Variants in DMC1 observed in about 807,000 individuals in gnomAD.
DMC1 encodes DNA meiotic recombinase 1, also known as meiotic recombination protein DMC1 homolog.
Under a neutral mutation model 50.1 loss-of-function variants are expected in DMC1, and 27 were observed. That is an observed-to-expected ratio of 0.54 (90% CI 0.40 to 0.74). The LOEUF (loss-of-function observed/expected upper bound fraction) is 0.74. DMC1 is among the 30% of genes least tolerant of loss of function. DMC1 has a pLI of 0.00. For missense variants in DMC1, 295 were observed against 420.2 expected (o/e 0.70, Z 2.60); for synonymous variants, 148 against 136.1 (o/e 1.09, Z -0.61).
chr22:38,534,172 C>G (rs1172882147), intron 12 of DMC1, among the ~76,000 whole-genome samples: 2 of 152,152 alleles, frequency 1.3e-5, no homozygotes, highest in African/African-American at 4.8e-5. Context: ...AAAAAACCCC[C>G]AACAACTATA....
At chr22:38,542,005 C>T (rs894989018) in intron 8 of DMC1, among the ~76,000 whole-genome samples, 5 of 147,824 alleles carry the variant, frequency 3.4e-5, no homozygotes, top group South Asian at 2.2e-4. Flanking sequence ...TAAAATTCAA[C>T]GTTCATTTAT....
chr22:38,548,475 T>G (rs1227365707), intron 8 of DMC1, among the ~76,000 whole-genome samples: 1 of 152,134 alleles, frequency 6.6e-6, no homozygotes. Flanking sequence ...CTCAGAAGGC[T>G]GAAGTGGGAG....
downstream of DMC1, among the ~76,000 whole-genome samples, chr22:38,517,608 CAAAA>C (rs2089985004): frequency 6.6e-6 from 1 of 151,676 alleles, no homozygotes; most frequent in Admixed American, 6.6e-5. Flanking sequence ...CAAAACAAAA[CAAAA>C]AAGTTAAAAC....
Position 38,549,668 on chromosome 22 carries a change from GAAGT to G in DMC1, c.494+253_494+256del, listed in dbSNP as rs371474050. On this transcript the variant is annotated intron_variant, in intron 8 of 13. Coordinates refer to ENST00000216024, the MANE Select transcript of DMC1 (RefSeq NM_007068.4). ...CTAACTATTAAGCAACATCTTTAGA[GAAGT>G]AAGAGGATTAAAAATGATGATATAA... The G allele has an allele frequency of 4.2e-4, 168 of 402,032 alleles. 1 individual carries two copies. Among genetic ancestry groups the G allele is most frequent in the African/African-American group, 2.9e-3 (141 of 48,680 alleles). The allele number at this position is 402,032 out of a possible 1,614,324, so 24.9% of individuals were successfully genotyped here.
Position 38,520,099 on chromosome 22 carries a change from T to A in DMC1, c.954-10A>T, listed in dbSNP as rs2145758395. ...TTCAGGCATCTCAGGACTAACAGAA[T>A]ACAAGGGAACAGAAGTTTATAAAAA... On this transcript the variant is annotated splice_polypyrimidine_tract_variant and intron_variant, in intron 13 of 13. Transcript: ENST00000216024. 1.2e-6 allele frequency: 2 copies of A among 1,609,620 alleles called. No individual in the cohort carries two copies. The highest frequency in any genetic ancestry group is 4.5e-5 in the East Asian group (2 of 44,792).
At chr22:38,513,263 C>T in the DMC1 span, among the ~76,000 whole-genome samples, 1 of 152,212 alleles carries the variant, frequency 6.6e-6, no homozygotes, top group Non-Finnish European at 1.5e-5. Context: ...CCCTGCTCCC[C>T]CTGCTGTCAC....
intron 1 of DMC1, among the ~76,000 whole-genome samples, chr22:38,569,680 A>G (rs1318875502): frequency 6.6e-6 from 1 of 152,226 alleles, no homozygotes; most frequent in Non-Finnish European, 1.5e-5. Flanking sequence ...GGGCTCCCCA[A>G]TCCCCCGGTT....
At chr22:38,521,538 T>TAC (rs111317680) in intron 13 of DMC1, 70 bp downstream of exon 13, 39,205 of 637,444 alleles carry the variant, frequency 0.062, 639 homozygotes, top group African/African-American at 0.12. Flanking sequence ...ACCCCGTCTC[T>TAC]ACACACACAC....
intron 12 of DMC1, among the ~76,000 whole-genome samples, chr22:38,529,771 A>G (rs1024202383): frequency 6.6e-6 from 1 of 152,102 alleles, no homozygotes; most frequent in African/African-American, 2.4e-5. Context: ...CTCTGTTTCC[A>G]CCTTTATAAA....
At chr22:38,554,672 T>C (rs1236432624) in intron 6 of DMC1, among the ~76,000 whole-genome samples, 1 of 151,668 alleles carries the variant, frequency 6.6e-6, no homozygotes, top group South Asian at 2.1e-4. Flanking sequence ...ACCCTTTATC[T>C]ATTATTTAAA....
chr22:38,541,563 T>A (rs1278722527), intron 8 of DMC1, among the ~76,000 whole-genome samples: 1 of 152,190 alleles, frequency 6.6e-6, no homozygotes, highest in African/African-American at 2.4e-5. Context: ...AAGTGACTTA[T>A]GTCGTTAGAT....
At chr22:38,529,031 A>G (rs2090126888) in intron 12 of DMC1, among the ~76,000 whole-genome samples, 1 of 149,136 alleles carries the variant, frequency 6.7e-6, no homozygotes, top group African/African-American at 2.5e-5. Flanking sequence ...TTTTTTTTTG[A>G]CGGAGTTTCG....
intron 7 of DMC1, among the ~76,000 whole-genome samples, chr22:38,551,635 T>A (rs993325034): frequency 6.6e-6 from 1 of 152,030 alleles, no homozygotes; most frequent in African/African-American, 2.4e-5. Context: ...AGACTGCAAT[T>A]ACTTTTTATG....
At position 38,549,708 on chromosome 22, in the gene DMC1, T is replaced by C. The variant is rs2090383037; in HGVS notation, c.494+217A>G. The C allele has an allele frequency of 1.6e-5, 8 of 511,146 alleles. No homozygotes were observed. In the East Asian group the frequency reaches 1.6e-4, roughly 10 times the overall value. 31.7% of individuals were successfully genotyped at this position (511,146 alleles called of 1,614,324 possible). ...AAAATGATGATATAATTTCCTCTCA[T>C]GTATTTGTTTTGTCTCATAAACCCA... On this transcript the variant is annotated intron_variant, in intron 8 of 13. Coordinates refer to ENST00000216024, the MANE Select transcript of DMC1 (RefSeq NM_007068.4).
chr22:38,509,875 C>G, the DMC1 span, among the ~76,000 whole-genome samples: 1 of 151,958 alleles, frequency 6.6e-6, no homozygotes, highest in Non-Finnish European at 1.5e-5. Flanking sequence ...CATTATTAGC[C>G]AGGCTGGTTT....
intron 8 of DMC1, among the ~76,000 whole-genome samples, chr22:38,549,119 A>G (rs1482207040): frequency 6.6e-6 from 1 of 152,158 alleles, no homozygotes; most frequent in African/African-American, 2.4e-5. Context: ...GAATATTGCT[A>G]AAGTATCCAG....
chr22:38,561,902 G>A (rs186342977), intron 5 of DMC1, among the ~76,000 whole-genome samples: 27 of 152,224 alleles, frequency 1.8e-4, no homozygotes, highest in Admixed American at 1.6e-3. Context: ...TCCTGCAGAA[G>A]AGCAAAAATA....
intron 1 of DMC1, 167 bp from the exon 2 acceptor site, chr22:38,568,456 T>TGTGTGTGTGTGTGTGTGC (rs2090604183): frequency 1.7e-6 from 1 of 601,118 alleles, no homozygotes; most frequent in Non-Finnish European, 3.0e-6. Context: ...ATTTCTTGTG[T>TGTGTGTGTGTGTGTGTGC]GTGTGTGTGT....
chr22:38,543,843 A>G (rs1602741224), intron 8 of DMC1, among the ~76,000 whole-genome samples: 1 of 151,588 alleles, frequency 6.6e-6, no homozygotes, highest in East Asian at 1.9e-4. Flanking sequence ...CTGCCAAACT[A>G]CTCACTCCAC....
Sources: gnomAD v4.1 joint callset for allele counts (sites outside exome capture counted in the v4.1 genomes callset) on GRCh38, gnomAD v4.1.1 for gene constraint, MANE v1.5 for transcripts, NCBI Gene and HGNC (gene_info 2026-07-23, HGNC 2026-07-21) for gene names.